Variants in DOCK8 observed in about 807,000 individuals in gnomAD.
DOCK8 encodes dedicator of cytokinesis 8.
DOCK8 carries 141 observed loss-of-function variants against 245.6 expected under a neutral mutation model. The observed-to-expected ratio is 0.57, with a 90% CI of 0.50 to 0.66. The LOEUF (loss-of-function observed/expected upper bound fraction) is 0.66, where lower values mean the gene tolerates loss of function less well. Among genes scored for constraint, DOCK8 ranks in the 30% least tolerant of loss-of-function variants. The probability of loss-of-function intolerance (pLI) is 0.00; values close to 1 mark genes in which losing one functional copy is unlikely to be tolerated. For missense variants in DOCK8, 2,965 were observed against 2,603.4 expected, an observed-to-expected ratio of 1.14 and a Z score of -3.02; for synonymous variants, 1,168 against 970.2, an observed-to-expected ratio of 1.20 and a Z score of -3.79.
chr9:342,544 A>C (rs1213554412), intron 14 of DOCK8, among the ~76,000 whole-genome samples: 1 of 151,530 alleles, frequency 6.6e-6, no homozygotes, highest in African/African-American at 2.4e-5. Context: ...ATCTCGGTTC[A>C]CTGCAACCTC....
At chr9:333,427 C>G (rs1043444621) in intron 10 of DOCK8, among the ~76,000 whole-genome samples, 1 of 152,180 alleles carries the variant, frequency 6.6e-6, no homozygotes, top group East Asian at 1.9e-4. Context: ...CGGTGAAACC[C>G]CGTCTCTGCT....
rs746217440 is a variant in DOCK8 at position 312,064 on chromosome 9, C to T, written c.639C>T (p.Leu213=). 1.2e-6 allele frequency: 2 copies of T among 1,614,186 alleles called. No homozygotes were observed. The highest frequency in any genetic ancestry group is 1.7e-5 in the Admixed American group (1 of 60,020). The change falls in exon 6 of 48, where the codon CTC becomes CTT. Residue 213 remains leucine (L), a synonymous_variant. Transcript: ENST00000432829. ...SLQPDKRLEN[L]LQQVSAEDFE... Reference sequence around the variant, plus strand: ...AGCCTGACAAGCGGCTAGAAAACCTCCTGCAGCAAGTGAGTGCCGAGGACT... The same window carrying T: ...AGCCTGACAAGCGGCTAGAAAACCTTCTGCAGCAAGTGAGTGCCGAGGACT...
At chr9:362,004 G>A (rs1239147551) in intron 14 of DOCK8, among the ~76,000 whole-genome samples, 2 of 152,170 alleles carry the variant, frequency 1.3e-5, no homozygotes, top group South Asian at 2.1e-4. Context: ...AGGAAAAGCA[G>A]CAGCAAGGGT....
At chr9:293,337 A>T (rs1426200057) in intron 4 of DOCK8, among the ~76,000 whole-genome samples, 1 of 152,186 alleles carries the variant, frequency 6.6e-6, no homozygotes, top group Non-Finnish European at 1.5e-5. Flanking sequence ...CTGTGGGGAG[A>T]ATCCAGTACA....
chr9:354,454 A>C (rs1444510716), intron 14 of DOCK8, among the ~76,000 whole-genome samples: 2 of 152,202 alleles, frequency 1.3e-5, no homozygotes, highest in Non-Finnish European at 2.9e-5. Context: ...TACTTTTAAA[A>C]ATTTACATAC....
chr9:231,537 G>A (rs2047118056), intron 1 of DOCK8, among the ~76,000 whole-genome samples: 1 of 152,146 alleles, frequency 6.6e-6, no homozygotes. Context: ...CCATGAGCAT[G>A]GAATGTTCTT....
At chr9:394,488 C>T (rs935516625) in intron 24 of DOCK8, among the ~76,000 whole-genome samples, 2 of 152,330 alleles carry the variant, frequency 1.3e-5, no homozygotes, top group Middle Eastern at 3.4e-3. Context: ...CCTTAGCCAA[C>T]AACCTGGGCA....
At chr9:381,205 C>G (rs1434045917) in intron 21 of DOCK8, 1 of 152,212 alleles carries the variant, frequency 6.6e-6, no homozygotes, top group Non-Finnish European at 1.5e-5. Flanking sequence ...CTTTATAGAT[C>G]TTTCTTCCTC....
intron 1 of DOCK8, among the ~76,000 whole-genome samples, chr9:241,907 C>A (rs1267924854): frequency 6.6e-6 from 1 of 152,152 alleles, no homozygotes; most frequent in Non-Finnish European, 1.5e-5. Context: ...AGCCACAGCA[C>A]CTGGCATGGG....
chr9:407,838 G>C lies in DOCK8; in HGVS notation c.3530+769G>C, dbSNP rs968500482. ...CAGAGATATATCAGTGCACAAAACA[G>C]ACAAAATTCGCTGCCCCTCAAGAGC... On this transcript the variant is annotated intron_variant, in intron 28 of 47. Coordinates refer to ENST00000432829, the MANE Select transcript of DOCK8 (RefSeq NM_203447.4). Among the ~76,000 whole-genome samples the C allele has an allele frequency of 6.6e-5, 10 of 152,162 alleles. 1 individual carries two copies. The highest frequency in any genetic ancestry group is 6.5e-4 in the Admixed American group (10 of 15,278).
Position 396,773 on chromosome 9 carries a change from C to A in DOCK8, c.2971-12C>A, listed in dbSNP as rs184058115. On this transcript the variant is annotated splice_polypyrimidine_tract_variant and intron_variant, in intron 24 of 47. Coordinates refer to ENST00000432829, the MANE Select transcript of DOCK8 (RefSeq NM_203447.4). ...ATCTCCATGTTGACATTTCCTCCAT[C>A]CCCCTCCGCAGGTGAAAAGCATGGC... The A allele has an allele frequency of 6.2e-7, 1 of 1,614,096 alleles. No homozygotes were observed. Among genetic ancestry groups the A allele is most frequent in the African/African-American group, 1.3e-5 (1 of 75,036 alleles).
chr9:438,741 T>C (rs568381290), intron 39 of DOCK8, among the ~76,000 whole-genome samples: 1 of 152,352 alleles, frequency 6.6e-6, no homozygotes, highest in South Asian at 2.1e-4. Flanking sequence ...CAGTAACTGC[T>C]GCAATGCCAT....
intron 29 of DOCK8, among the ~76,000 whole-genome samples, 155 bp downstream of exon 29, chr9:415,106 A>G (rs915059742): frequency 6.6e-6 from 1 of 152,166 alleles, no homozygotes; most frequent in Non-Finnish European, 1.5e-5. Flanking sequence ...ACTGGCCCCA[A>G]TCAGTTAAAA....
In DOCK8 at chr9:371,517, G is replaced by A. The variant is rs2053284971; in HGVS notation, c.1958G>A (p.Ser653Asn). ...CTCCTGTTCACCTTCTACCATATCA[G>A]CTGTCAGCAGAAGCAAGGAGCCTCC... The part of the protein sequence containing the change: ...HHLLFTFYHI[S>N]CQQKQGASVE... The change falls in exon 17 of 48, where the codon AGC becomes AAC. Residue 653 changes from serine to asparagine, a missense_variant. Physicochemically the swap from Ser to Asn is conservative, Grantham distance 46. This residue lies in a region of DOCK8 where 2,825 missense variants were observed against 2,453.5 expected (regional missense o/e 1.15). Transcript: ENST00000432829. 1.2e-6 allele frequency: 2 copies of A among 1,614,086 alleles called. No homozygotes were observed. Among genetic ancestry groups the A allele is most frequent in the African/African-American group, 1.3e-5 (1 of 74,932 alleles).
At chr9:400,102 A>T (rs1306905969) in intron 26 of DOCK8, among the ~76,000 whole-genome samples, 12 of 108,680 alleles carry the variant, frequency 1.1e-4, no homozygotes, top group African/African-American at 3.0e-4. Context: ...CATCACCACC[A>T]CCACCTCCAC....
At chr9:294,864 A>G (rs1296197898) in intron 4 of DOCK8, among the ~76,000 whole-genome samples, 1 of 152,224 alleles carries the variant, frequency 6.6e-6, no homozygotes, top group East Asian at 1.9e-4. Flanking sequence ...GCTAAGTGAA[A>G]GAAGCCAGAC....
chr9:342,832 T>C (rs1487066528), intron 14 of DOCK8, among the ~76,000 whole-genome samples: 1 of 152,214 alleles, frequency 6.6e-6, no homozygotes, highest in Admixed American at 6.5e-5. Context: ...TTCATTTCCT[T>C]GTTGATACGC....
At chr9:316,958 G>A (rs937851018) in intron 6 of DOCK8, 85 bp from the exon 7 acceptor site, 5 of 1,069,290 alleles carry the variant, frequency 4.7e-6, no homozygotes, top group Non-Finnish European at 5.8e-6. Flanking sequence ...GCCGTGGAGG[G>A]TAGCCTTCCC....
chr9:313,091 A>G (rs1475641120), intron 6 of DOCK8: 1 of 152,368 alleles, frequency 6.6e-6, no homozygotes, highest in Non-Finnish European at 1.5e-5. Flanking sequence ...CCCTTCAGTG[A>G]GCTCACGACT....
Sources: allele counts gnomAD v4.1 joint callset (sites outside exome capture counted in the v4.1 genomes callset), GRCh38; gene constraint gnomAD v4.1.1; regional missense constraint gnomAD v4.1.1; transcripts MANE v1.5; gene names NCBI Gene and HGNC (gene_info 2026-07-23, HGNC 2026-07-21).